SUCLG2: variants seen among roughly 807,000 people sequenced by gnomAD.
The protein encoded by SUCLG2 is succinate-CoA ligase GDP-forming subunit beta.
SUCLG2 carries 42 observed loss-of-function variants against 47.9 expected under a neutral mutation model. The observed-to-expected ratio is 0.88, with a 90% CI of 0.69 to 1.14. The LOEUF is 1.14. Ranked by LOEUF, SUCLG2 falls within the 50% of genes most tolerant of loss-of-function variation. The pLI is 0.00. For synonymous variants in SUCLG2, 195 were observed against 197.3 expected (o/e 0.99, Z 0.10); for missense variants, 571 against 525.9 (o/e 1.09, Z -0.84).
intron 7 of SUCLG2, among the ~76,000 whole-genome samples, chr3:67,503,255 C>A (rs1422272430): frequency 1.3e-5 from 2 of 152,224 alleles, no homozygotes; most frequent in Non-Finnish European, 2.9e-5. Context: ...GATAGATACA[C>A]AGGTGTCATA....
intron 9 of SUCLG2, among the ~76,000 whole-genome samples, chr3:67,424,136 CTT>C (rs972331290): frequency 2.0e-5 from 3 of 152,174 alleles, no homozygotes; most frequent in African/African-American, 7.2e-5. Context: ...CTTAGGAACT[CTT>C]TTGTCACTGA....
chr3:67,644,639 T>A (rs914452244), intron 1 of SUCLG2, among the ~76,000 whole-genome samples: 4 of 151,778 alleles, frequency 2.6e-5, no homozygotes, highest in Non-Finnish European at 5.9e-5. Flanking sequence ...ATGGCAAAAA[T>A]GGTTAAAATG....
At chr3:67,431,240 A>G (rs1559523721) in intron 9 of SUCLG2, among the ~76,000 whole-genome samples, 4 of 152,206 alleles carry the variant, frequency 2.6e-5, no homozygotes, top group Non-Finnish European at 5.9e-5. Context: ...CAGCACATCA[A>G]AAAGTTTATC....
At chr3:67,417,132 G>GA (rs201476119) in intron 9 of SUCLG2, among the ~76,000 whole-genome samples, 9,019 of 150,812 alleles carry the variant, frequency 0.06, 356 homozygotes, top group Middle Eastern at 0.13. Flanking sequence ...CTTGTCTAGA[G>GA]AAAAAAAAAT....
chr3:67,561,266 G>A (rs1047792111), intron 2 of SUCLG2, among the ~76,000 whole-genome samples: 3 of 151,486 alleles, frequency 2.0e-5, no homozygotes, highest in Non-Finnish European at 4.4e-5. Flanking sequence ...TGTAGTAAAG[G>A]GTTAATGAAC....
At chr3:67,381,927 G>T (rs73098357) in intron 10 of SUCLG2, among the ~76,000 whole-genome samples, 1 of 152,058 alleles carries the variant, frequency 6.6e-6, no homozygotes, top group Non-Finnish European at 1.5e-5. Flanking sequence ...TTTCTTCTTC[G>T]CTTTTATTAC....
At chr3:67,471,927 A>G (rs1462378895) in intron 9 of SUCLG2, among the ~76,000 whole-genome samples, 7 of 152,200 alleles carry the variant, frequency 4.6e-5, no homozygotes, top group African/African-American at 1.7e-4. Flanking sequence ...AGAGGCCACA[A>G]TGTGATTAAA....
At chr3:67,480,255 G>A (rs554294123) in intron 9 of SUCLG2, among the ~76,000 whole-genome samples, 1 of 152,268 alleles carries the variant, frequency 6.6e-6, no homozygotes, top group East Asian at 1.9e-4. Context: ...ACCTGGGAAG[G>A]ATGCTAAAGT....
At chr3:67,429,182 T>A (rs759443517) in intron 9 of SUCLG2, among the ~76,000 whole-genome samples, 1 of 151,856 alleles carries the variant, frequency 6.6e-6, no homozygotes, top group Non-Finnish European at 1.5e-5. Flanking sequence ...AAGGAAAAAA[T>A]ATTAAGGGCA....
chr3:67,419,086 G>C (rs9849734), intron 9 of SUCLG2, among the ~76,000 whole-genome samples: 3 of 152,060 alleles, frequency 2.0e-5, no homozygotes, highest in Non-Finnish European at 4.4e-5. Flanking sequence ...ACAAAAGCAC[G>C]CTCAGTCATC....
At chr3:67,451,888 T>C (rs1046406797) in intron 9 of SUCLG2, among the ~76,000 whole-genome samples, 41 of 152,130 alleles carry the variant, frequency 2.7e-4, no homozygotes, top group African/African-American at 8.0e-4. Context: ...CCAATTTCCA[T>C]AGCCCAACCC....
At chr3:67,478,482 TAAAC>T (rs750134867) in intron 9 of SUCLG2, among the ~76,000 whole-genome samples, 13 of 152,328 alleles carry the variant, frequency 8.5e-5, no homozygotes, top group Admixed American at 3.9e-4. Flanking sequence ...AATTGAATAT[TAAAC>T]AAACAAATGA....
rs576857323 is a variant in SUCLG2, at chr3:67,420,912, C to T, written c.1063-20061G>A. On this transcript the variant is annotated intron_variant, in intron 9 of 10. Transcript: ENST00000307227. The stretch of plus-strand genomic sequence containing the variant: ...TCCCCTTGCAGTAATCCTAGTTTTA[C>T]TGTCAGGCACATATGGGTTTTTCAA... Among the ~76,000 whole-genome samples, 15 of 152,310 alleles carry T rather than the reference C, an allele frequency of 9.8e-5. No individual in the cohort carries two copies. The South Asian group carries it at 3.1e-3, about 32-fold the overall frequency.
chr3:67,576,638 T>C (rs1707750173), intron 2 of SUCLG2, among the ~76,000 whole-genome samples: 1 of 152,190 alleles, frequency 6.6e-6, no homozygotes, highest in Non-Finnish European at 1.5e-5. Context: ...AAGATGGAGA[T>C]CATCTTAAGG....
At chr3:67,454,344 G>A (rs767369561) in intron 9 of SUCLG2, among the ~76,000 whole-genome samples, 8 of 151,894 alleles carry the variant, frequency 5.3e-5, no homozygotes, top group East Asian at 1.9e-4. Flanking sequence ...GGTTGTGGTC[G>A]CACTGGTGGT....
chr3:67,480,211 A>G (rs1012862922), intron 9 of SUCLG2, among the ~76,000 whole-genome samples: 10 of 152,194 alleles, frequency 6.6e-5, no homozygotes, highest in African/African-American at 2.2e-4. Context: ...AATCAACTCT[A>G]ATTTAAGGGG....
intron 1 of SUCLG2, among the ~76,000 whole-genome samples, chr3:67,647,142 G>A (rs1009316561): frequency 1.8e-4 from 27 of 152,148 alleles, no homozygotes; most frequent in African/African-American, 6.3e-4. Context: ...AGAAATGGAT[G>A]GGAGCAGAAA....
At chr3:67,489,999 C>T (rs1294259460) in intron 9 of SUCLG2, among the ~76,000 whole-genome samples, 2 of 152,194 alleles carry the variant, frequency 1.3e-5, no homozygotes, top group Non-Finnish European at 2.9e-5. Context: ...AACAGTATAA[C>T]TGTAACCAAT....
chr3:67,365,561 A>C (rs1490269), intron 10 of SUCLG2, among the ~76,000 whole-genome samples: 1 of 152,032 alleles, frequency 6.6e-6, no homozygotes, highest in Non-Finnish European at 1.5e-5. Flanking sequence ...ATTTTTGTGC[A>C]TTTGATATTT....
Sources: gnomAD v4.1 joint callset for allele counts (sites outside exome capture counted in the v4.1 genomes callset) on GRCh38, gnomAD v4.1.1 for gene constraint, MANE v1.5 for transcripts, NCBI Gene and HGNC (gene_info 2026-07-23, HGNC 2026-07-21) for gene names.